Variants in CC2D1B observed in about 807,000 individuals in gnomAD.
The protein encoded by CC2D1B is coiled-coil and C2 domain containing 1B, also known as coiled-coil and C2 domain-containing protein 1B.
CC2D1B carries 92 observed loss-of-function variants against 110.8 expected under a neutral mutation model. That is an observed-to-expected ratio of 0.83 (90% CI 0.70 to 0.99). The LOEUF is 0.99. Among genes scored for constraint, CC2D1B ranks in the 50% least tolerant of loss-of-function variants. The pLI is 0.00. For missense variants in CC2D1B, 1,136 were observed against 1,089.0 expected, an observed-to-expected ratio of 1.04 and a Z score of -0.61; for synonymous variants, 406 against 429.2, an observed-to-expected ratio of 0.95 and a Z score of 0.67.
intron 1 of CC2D1B, among the ~76,000 whole-genome samples, chr1:52,365,744 C>T (rs1226521833): frequency 3.3e-5 from 5 of 152,192 alleles, no homozygotes. Flanking sequence ...CATCTCGCCA[C>T]AGCGCTGGCG....
rs761777888 is a variant in CC2D1B at position 52,354,491 on chromosome 1, T to G, written c.2430+117A>C. 4.5e-6 allele frequency: 4 copies of G among 887,678 alleles called. No homozygotes were observed. In the East Asian group the frequency reaches 9.6e-5, roughly 21 times the overall value. The allele number at this position is 887,678 out of a possible 1,614,324, so 55.0% of individuals were successfully genotyped here. On this transcript the variant is annotated intron_variant, in intron 23 of 24. Coordinates refer to ENST00000284376, the MANE Select transcript of CC2D1B (RefSeq NM_001330585.2). Reference sequence around the variant, plus strand: ...GGATTCCACCTACTCTAAGCACACTTGTGGAGAATTTCAAATTAAGTAATG... The same window carrying G: ...GGATTCCACCTACTCTAAGCACACTGGTGGAGAATTTCAAATTAAGTAATG...
chr1:52,357,481 C>T (rs377270154), intron 15 of CC2D1B, 45 bp downstream of exon 15: 144 of 1,534,850 alleles, frequency 9.4e-5, no homozygotes, highest in Non-Finnish European at 1.2e-4. Flanking sequence ...TGCCAGCCGC[C>T]ACCTCCGCCT....
In CC2D1B at chr1:52,357,615, C is replaced by G. The variant is rs1162889218; in HGVS notation, c.1663G>C (p.Glu555Gln). The G allele has an allele frequency of 1.3e-6, 2 of 1,591,590 alleles. No individual in the cohort carries two copies. Among genetic ancestry groups the G allele is most frequent in the Non-Finnish European group, 8.6e-7 (1 of 1,168,372 alleles). ...ACCCGCAGATAGGCTTTGGCCTGCT[C>G]CAGGTCCTGGCTGCGCTTGGCCTGC... ...ALQAKRSQDLEQAKAYLRVAK... is the reference protein window; with the variant it reads ...ALQAKRSQDLQQAKAYLRVAK... Residue 555 changes from glutamate (E) to glutamine (Q), a missense_variant, in exon 15 of 25, where the codon GAG becomes CAG. Physicochemically the swap from Glu to Gln is conservative, Grantham distance 29. Coordinates refer to ENST00000284376, the MANE Select transcript of CC2D1B (RefSeq NM_001330585.2).
At chr1:52,354,423 T>G in intron 23 of CC2D1B, 185 bp downstream of exon 23, 3 of 711,208 alleles carry the variant, frequency 4.2e-6, no homozygotes, top group Non-Finnish European at 7.7e-6. Flanking sequence ...GGTCCCTCTG[T>G]GAGATTTCTC....
intron 11 of CC2D1B, 42 bp from the exon 12 acceptor site, chr1:52,358,800 C>A (rs1337439984): frequency 1.3e-6 from 2 of 1,566,696 alleles, no homozygotes; most frequent in African/African-American, 2.8e-5. Flanking sequence ...CGGCAGCAGC[C>A]CACAGGCCCC....
intron 15 of CC2D1B, 35 bp from the exon 16 acceptor site, chr1:52,357,161 G>C: frequency 6.2e-7 from 1 of 1,612,134 alleles, no homozygotes; most frequent in Non-Finnish European, 8.5e-7. Context: ...GGCCCCAAGA[G>C]TCAGATTACT....
rs1569860857 is a variant in CC2D1B at position 52,360,619 on chromosome 1, AG to A, written c.478-71del. On this transcript the variant is annotated intron_variant, in intron 5 of 24. Coordinates refer to ENST00000284376, the MANE Select transcript of CC2D1B (RefSeq NM_001330585.2). ...AGGCCTACCATTCTCCCTCTGCGGA[AG>A]CTGCCCTAGAAGATGGAGCTCTGGG... The A allele has an allele frequency of 1.8e-5, 28 of 1,563,266 alleles. No homozygotes were observed. In the East Asian group the frequency reaches 6.3e-4, roughly 35 times the overall value.
chr1:52,362,158 G>T (rs1395476133), intron 3 of CC2D1B, among the ~76,000 whole-genome samples: 1 of 152,154 alleles, frequency 6.6e-6, no homozygotes, highest in Non-Finnish European at 1.5e-5. Context: ...GATGAGTGGG[G>T]GGATTCTCTG....
rs1483324300 is a variant in CC2D1B at position 52,360,641 on chromosome 1, C to G, written c.478-92G>C. On this transcript the variant is annotated intron_variant, in intron 5 of 24. Transcript: ENST00000284376. ...GGAAGCTGCCCTAGAAGATGGAGCT[C>G]TGGGACTCCAGGAGAAAGAAGAGCC... The G allele has an allele frequency of 6.6e-6, 10 of 1,514,042 alleles. No individual in the cohort carries two copies. The Admixed American group carries it at 2.1e-4, about 32-fold the overall frequency. 93.8% of individuals were successfully genotyped at this position (1,514,042 alleles called of 1,614,324 possible). A position where few individuals can be genotyped will look rare whatever the true frequency, so the allele number is the denominator to read the frequency against.
Position 52,353,598 on chromosome 1 carries a change from CTCACCT to C in CC2D1B, c.2474_2479del (p.Lys825_Val826del), listed in dbSNP as rs1451159540. 1 of 1,613,232 alleles carries C rather than the reference CTCACCT, an allele frequency of 6.2e-7. No homozygotes were observed. Among genetic ancestry groups the C allele is most frequent in the African/African-American group, 1.3e-5 (1 of 74,882 alleles). ...CTGGCCACTCAGAGGCTCCCGCAGC[CTCACCT>C]TCACCTCCAGCTTCCCCCCGGTGGG... On this transcript the variant is annotated inframe_deletion, in exon 24 of 25. Coordinates refer to ENST00000284376, the MANE Select transcript of CC2D1B (RefSeq NM_001330585.2).
intron 1 of CC2D1B, 87 bp from the exon 2 acceptor site, chr1:52,364,721 A>T: frequency 3.8e-6 from 3 of 795,798 alleles, no homozygotes; most frequent in Admixed American, 2.5e-5. Flanking sequence ...GTGGATAGTA[A>T]ACTCCCAAAG....
chr1:52,357,451 T>C (rs1004660954), intron 15 of CC2D1B, 75 bp downstream of exon 15: 8 of 1,460,604 alleles, frequency 5.5e-6, no homozygotes, highest in Non-Finnish European at 7.4e-6. Context: ...AAGCTGCCCT[T>C]GTTCACAGCC....
At chr1:52,358,971 G>C in intron 11 of CC2D1B, 56 bp downstream of exon 11, 1 of 1,589,122 alleles carries the variant, frequency 6.3e-7, no homozygotes, top group Non-Finnish European at 8.6e-7. Flanking sequence ...GGGAGACAGA[G>C]CACCCAGCCA....
rs1646687773 is a variant in CC2D1B at position 52,357,834 on chromosome 1, T to C, written c.1526A>G (p.Gln509Arg). 5.0e-6 allele frequency: 8 copies of C among 1,593,790 alleles called. No individual in the cohort carries two copies. In the Admixed American group the frequency reaches 5.3e-5, roughly 10 times the overall value. Residue 509 changes from glutamine (Q) to arginine (R), a missense_variant, in exon 14 of 25, where the codon CAG becomes CGG. Gln to Arg is a conservative substitution (Grantham distance 43). Transcript: ENST00000284376. Reference sequence around the variant, plus strand: ...TGAGGCCCTGGGCTCAGGCAGGCGCTGGGATGAAGGGACTGTGGGCCGTGC... The same window carrying C: ...TGAGGCCCTGGGCTCAGGCAGGCGCCGGGATGAAGGGACTGTGGGCCGTGC... ...KPARPTVPSS[Q>R]RLPEPRASSS...
chr1:52,359,957 TGAG>T, intron 7 of CC2D1B, 74 bp from the exon 8 acceptor site: 1 of 1,559,664 alleles, frequency 6.4e-7, no homozygotes, highest in South Asian at 1.2e-5. Context: ...TTCACTGGCT[TGAG>T]GATGTCCTGG....
chr1:52,364,335 T>A (rs1424172445), intron 2 of CC2D1B, among the ~76,000 whole-genome samples: 3 of 152,080 alleles, frequency 2.0e-5, no homozygotes, highest in African/African-American at 7.2e-5. Context: ...TGAGGTCCCA[T>A]CAGAACATCC....
At chr1:52,353,374 A>G (rs1646568265) in intron 24 of CC2D1B, 144 bp downstream of exon 24, 1 of 1,513,794 alleles carries the variant, frequency 6.6e-7, no homozygotes, top group African/African-American at 1.4e-5. Flanking sequence ...GGAACATCAG[A>G]AACTCAGCCC....
chr1:52,359,216 G>C (rs1195366384), intron 10 of CC2D1B, 34 bp downstream of exon 10: 1 of 1,611,006 alleles, frequency 6.2e-7, no homozygotes, highest in East Asian at 2.2e-5. Flanking sequence ...ATGCCTGCAG[G>C]TCCCCACGCC....
Position 52,361,611 on chromosome 1 carries a change from G to C in CC2D1B, c.220C>G (p.Leu74Val), listed in dbSNP as rs1208332439. Residue 74 changes from leucine to valine, a missense_variant, in exon 4 of 25, where the codon CTG becomes GTG. By Grantham distance (32) the Leu-to-Val change is conservative (BLOSUM62 1). Transcript: ENST00000284376. ...AACTTCTCGATGTGGGCCATGGGCA[G>C]GGGGGCTGGGGGAAAAAGGTCACAA... ...KKPAPKGQAP[L>V]PMAHIEKLAA... 8.1e-6 allele frequency: 13 copies of C among 1,613,538 alleles called. No homozygotes were observed. Among genetic ancestry groups the C allele is most frequent in the Non-Finnish European group, 1.1e-5 (13 of 1,179,966 alleles).
Sources: gnomAD v4.1 joint callset for allele counts (sites outside exome capture counted in the v4.1 genomes callset) on GRCh38, gnomAD v4.1.1 for gene constraint, MANE v1.5 for transcripts, NCBI Gene and HGNC (gene_info 2026-07-23, HGNC 2026-07-21) for gene names.